DMD: variants seen among roughly 807,000 people sequenced by gnomAD.
DMD encodes dystrophin.
A neutral mutation model predicts 330.1 loss-of-function variants in DMD; 63 were observed. The observed-to-expected ratio is 0.19, with a 90% confidence interval of 0.16 to 0.24. The LOEUF (loss-of-function observed/expected upper bound fraction) is 0.24, where lower values mean the gene tolerates loss of function less well. Among genes scored for constraint, DMD ranks in the 10% least tolerant of loss-of-function variants. DMD has a pLI of 1.00. For missense variants in DMD, 3,344 were observed against 2,684.1 expected (o/e 1.25, Z -5.43); for synonymous variants, 1,223 against 959.8 (o/e 1.27, Z -5.07).
At chrX:31,350,706 T>G (rs1192591016) in intron 60 of DMD, among the ~76,000 whole-genome samples, 1 of 106,365 alleles carries the variant, frequency 9.4e-6, no homozygotes, top group Non-Finnish European at 1.9e-5. Flanking sequence ...CTACTGACAC[T>G]GAGTGCACTG....
intron 7 of DMD, among the ~76,000 whole-genome samples, chrX:32,744,326 T>C (rs762568571): frequency 9.0e-5 from 10 of 111,008 alleles, no homozygotes; most frequent in Non-Finnish European, 1.9e-4. Context: ...TACTTAATTA[T>C]TCCTCTCATG....
At chrX:31,949,266 T>G (rs1908674214) in intron 45 of DMD, among the ~76,000 whole-genome samples, 2 of 111,376 alleles carry the variant, frequency 1.8e-5, no homozygotes, top group African/African-American at 6.5e-5. Context: ...CTTATCAGTA[T>G]TGAGTCTTCC....
chrX:32,221,382 T>C (rs2097131482), intron 43 of DMD, among the ~76,000 whole-genome samples: 1 of 110,763 alleles, frequency 9.0e-6, no homozygotes, highest in South Asian at 3.8e-4. Flanking sequence ...CCCCAAATCA[T>C]AGTACCTTGC....
intron 52 of DMD, among the ~76,000 whole-genome samples, chrX:31,718,723 C>T (rs773016462): frequency 3.6e-5 from 4 of 111,382 alleles, no homozygotes; most frequent in East Asian, 2.8e-4. Flanking sequence ...CCTCCAGAAC[C>T]GTGAAAAACA....
chrX:33,010,333 T>A (rs2093675516), intron 2 of DMD, among the ~76,000 whole-genome samples: 1 of 104,997 alleles, frequency 9.5e-6, no homozygotes, highest in Non-Finnish European at 1.9e-5. Flanking sequence ...AATATGTATA[T>A]ATGTACATAT....
chrX:31,318,795 C>T (rs1444253889), intron 62 of DMD, among the ~76,000 whole-genome samples: 6 of 111,910 alleles, frequency 5.4e-5, no homozygotes, highest in African/African-American at 1.9e-4. Context: ...CGAAAGGGAA[C>T]CTGATGAAAT....
intron 55 of DMD, among the ~76,000 whole-genome samples, chrX:31,612,563 T>G (rs1274721410): frequency 9.0e-6 from 1 of 111,493 alleles, no homozygotes; most frequent in South Asian, 3.8e-4. Flanking sequence ...AGAAGAGAGA[T>G]GAACTAAACT....
chrX:31,560,895 T>C (rs771697107), intron 55 of DMD, among the ~76,000 whole-genome samples: 2 of 112,408 alleles, frequency 1.8e-5, no homozygotes, highest in Non-Finnish European at 3.7e-5. Flanking sequence ...TCACTCTTTA[T>C]GTTATCAGTA....
At chrX:32,501,452 T>C (rs1369654766) in intron 19 of DMD, among the ~76,000 whole-genome samples, 3 of 111,945 alleles carry the variant, frequency 2.7e-5, no homozygotes, top group Non-Finnish European at 5.6e-5. Flanking sequence ...TTCAAATTTC[T>C]GTTAACCTTA....
At chrX:32,491,250 C>A (rs931036900) in intron 20 of DMD, 27 bp downstream of exon 20, 1 of 1,209,422 alleles carries the variant, frequency 8.3e-7, no homozygotes, top group East Asian at 3.0e-5. Context: ...TGATTATGCT[C>A]CAAATGGAAG....
chrX:31,990,198 C>A (rs181494977), intron 44 of DMD, among the ~76,000 whole-genome samples: 1,256 of 112,184 alleles, frequency 0.011, 9 homozygotes, highest in Non-Finnish European at 0.018. Context: ...AACTATTTTT[C>A]AAAGTCTTCG....
intron 43 of DMD, among the ~76,000 whole-genome samples, chrX:32,258,778 G>T (rs767219827): frequency 9.0e-6 from 1 of 110,736 alleles, no homozygotes; most frequent in South Asian, 3.8e-4. Flanking sequence ...AAACCTGCCC[G>T]TTCTGCACGT....
chrX:32,895,543 G>T (rs2085632324), intron 2 of DMD, among the ~76,000 whole-genome samples: 1 of 111,527 alleles, frequency 9.0e-6, no homozygotes, highest in East Asian at 2.8e-4. Flanking sequence ...CAAGGGTTTG[G>T]GTTTTGGCTC....
intron 6 of DMD, among the ~76,000 whole-genome samples, chrX:32,810,861 T>C (rs2077319392): frequency 9.0e-6 from 1 of 111,663 alleles, no homozygotes; most frequent in South Asian, 3.7e-4. Context: ...CTATTAACTC[T>C]CTGATTTTAT....
At chrX:33,168,937 C>T (rs952759560) in intron 1 of DMD, among the ~76,000 whole-genome samples, 6 of 109,649 alleles carry the variant, frequency 5.5e-5, no homozygotes, top group Non-Finnish European at 1.1e-4. Context: ...CACAGAAATG[C>T]ATGAATACCT....
chrX:33,041,299 G>A (rs1367800769), intron 1 of DMD: 11 of 944,620 alleles, frequency 1.2e-5, no homozygotes, highest in East Asian at 3.4e-5. Flanking sequence ...GCGCATGCGC[G>A]CCGGCGACCA....
At chrX:33,164,607 T>A (rs149055507) in intron 1 of DMD, among the ~76,000 whole-genome samples, 681 of 112,339 alleles carry the variant, frequency 6.1e-3, no homozygotes, top group African/African-American at 0.021. Flanking sequence ...ATTACTACAC[T>A]ACTTTCACAG....
At chrX:32,239,946 G>A (rs2097201855) in intron 43 of DMD, among the ~76,000 whole-genome samples, 1 of 111,698 alleles carries the variant, frequency 9.0e-6, no homozygotes, top group Admixed American at 9.5e-5. Context: ...TAAGGTCTAT[G>A]CCTTGTCTCT....
intron 44 of DMD, among the ~76,000 whole-genome samples, chrX:32,109,176 G>C (rs940454146): frequency 1.6e-4 from 18 of 111,157 alleles, no homozygotes; most frequent in Non-Finnish European, 3.0e-4. Context: ...TGTTTCTTCT[G>C]CTCAGTTTTT....
Sources: gnomAD v4.1 joint callset for allele counts (sites outside exome capture counted in the v4.1 genomes callset) on GRCh38, gnomAD v4.1.1 for gene constraint, MANE v1.5 for transcripts, NCBI Gene and HGNC (gene_info 2026-07-23, HGNC 2026-07-21) for gene names.